PLEKHM3: variants seen among roughly 807,000 people sequenced by gnomAD.
PLEKHM3 encodes pleckstrin homology domain containing M3.
PLEKHM3 carries 45 observed loss-of-function variants against 81.8 expected under a neutral mutation model. That is an observed-to-expected ratio of 0.55 (90% CI 0.43 to 0.71). The LOEUF (loss-of-function observed/expected upper bound fraction) is 0.71, where lower values mean the gene tolerates loss of function less well. Ranked by LOEUF, PLEKHM3 falls within the 30% of genes least tolerant of loss-of-function variation. The pLI, the probability that PLEKHM3 is intolerant of heterozygous loss-of-function variation, is 0.00. For missense variants in PLEKHM3, 788 were observed against 924.3 expected, an observed-to-expected ratio of 0.85 and a Z score of 1.91; for synonymous variants, 352 against 356.4, an observed-to-expected ratio of 0.99 and a Z score of 0.14.
intron 1 of PLEKHM3, among the ~76,000 whole-genome samples, chr2:208,024,229 T>G (rs1693234594): frequency 6.6e-6 from 1 of 151,630 alleles, no homozygotes; most frequent in Non-Finnish European, 1.5e-5. Flanking sequence ...ATTATTCCCA[T>G]TCTACAGATT....
chr2:207,939,851 G>A (rs552241753), intron 4 of PLEKHM3, among the ~76,000 whole-genome samples: 2 of 152,310 alleles, frequency 1.3e-5, no homozygotes, highest in African/African-American at 4.8e-5. Flanking sequence ...TGGGACTGGA[G>A]TACAGTGGAG....
At chr2:207,967,147 G>A (rs1253311724) in intron 3 of PLEKHM3, among the ~76,000 whole-genome samples, 1 of 152,118 alleles carries the variant, frequency 6.6e-6, no homozygotes, top group Admixed American at 6.6e-5. Flanking sequence ...CCACCAGGCT[G>A]GGCTATTTTT....
In PLEKHM3 at chr2:207,828,579, C is replaced by T; in HGVS notation, c.2109-83G>A. 2.2e-6 allele frequency: 3 copies of T among 1,389,718 alleles called. No homozygotes were observed. In the East Asian group the frequency reaches 7.0e-5, roughly 32 times the overall value. 86.1% of individuals were successfully genotyped at this position (1,389,718 alleles called of 1,614,324 possible). Reference sequence around the variant, plus strand: ...GGAAGCCCTGTGGCCTCAGGTGCAGCTGGTGGCACAATCTACTGTTCTGGA... The same window carrying T: ...GGAAGCCCTGTGGCCTCAGGTGCAGTTGGTGGCACAATCTACTGTTCTGGA... On this transcript the variant is annotated intron_variant, in intron 7 of 7. Coordinates refer to ENST00000427836, the MANE Select transcript of PLEKHM3 (RefSeq NM_001080475.3).
intron 3 of PLEKHM3, among the ~76,000 whole-genome samples, chr2:207,950,103 A>G (rs1392758004): frequency 1.3e-5 from 2 of 152,204 alleles, no homozygotes; most frequent in African/African-American, 4.8e-5. Context: ...GAGAACATGG[A>G]TAGGGTCCAT....
At chr2:207,836,855 T>G (rs1479079891) in intron 7 of PLEKHM3, among the ~76,000 whole-genome samples, 1 of 152,220 alleles carries the variant, frequency 6.6e-6, no homozygotes, top group Admixed American at 6.5e-5. Flanking sequence ...TTCAGTTTGG[T>G]TGCATCTCTG....
chr2:208,016,134 C>T (rs1692904345), intron 1 of PLEKHM3, among the ~76,000 whole-genome samples: 1 of 152,200 alleles, frequency 6.6e-6, no homozygotes, highest in East Asian at 1.9e-4. Flanking sequence ...GCAGAGGTTG[C>T]AGTGAGCCGA....
intron 4 of PLEKHM3, among the ~76,000 whole-genome samples, chr2:207,946,106 C>G (rs950047766): frequency 1.3e-5 from 2 of 152,106 alleles, no homozygotes; most frequent in Non-Finnish European, 2.9e-5. Flanking sequence ...AAAGAGGCTC[C>G]TCTCTCTCAG....
At chr2:208,006,743 A>G (rs1478023483) in intron 1 of PLEKHM3, among the ~76,000 whole-genome samples, 3 of 152,222 alleles carry the variant, frequency 2.0e-5, no homozygotes, top group African/African-American at 7.2e-5. Flanking sequence ...ACTGCTTTTC[A>G]GCCAAACTCA....
At chr2:207,935,803 G>T (rs762557565) in intron 4 of PLEKHM3, among the ~76,000 whole-genome samples, 8 of 152,076 alleles carry the variant, frequency 5.3e-5, no homozygotes, top group Admixed American at 2.6e-4. Context: ...CTTCATAAAA[G>T]AGTTTTCCTG....
intron 6 of PLEKHM3, among the ~76,000 whole-genome samples, chr2:207,885,189 T>C (rs965041104): frequency 2.0e-5 from 3 of 152,212 alleles, no homozygotes; most frequent in Admixed American, 6.5e-5. Context: ...TAGTTTCTAC[T>C]CTCTTCCTTA....
chr2:208,008,334 G>A (rs1017553433), intron 1 of PLEKHM3, among the ~76,000 whole-genome samples: 2 of 151,284 alleles, frequency 1.3e-5, no homozygotes, highest in African/African-American at 2.4e-5. Flanking sequence ...TGACAGATAT[G>A]GAAAAGAAAA....
At chr2:207,852,552 TG>T (rs1310792200) in intron 7 of PLEKHM3, among the ~76,000 whole-genome samples, 1 of 152,144 alleles carries the variant, frequency 6.6e-6, no homozygotes, top group Non-Finnish European at 1.5e-5. Context: ...CTGAAGGAGT[TG>T]ATGAATGTTT....
At chr2:207,907,734 T>C (rs775388107) in intron 6 of PLEKHM3, among the ~76,000 whole-genome samples, 15 of 152,208 alleles carry the variant, frequency 9.9e-5, no homozygotes, top group Admixed American at 5.2e-4. Context: ...AACAATTTAG[T>C]GGTTTTCAGA....
chr2:207,919,817 T>C lies in PLEKHM3; in HGVS notation c.1886+11109A>G, dbSNP rs562395367. 3.9e-4 allele frequency among the ~76,000 whole-genome samples: 59 copies of C among 152,290 alleles called. 1 individual carries two copies. In the South Asian group the frequency reaches 0.012, roughly 32 times the overall value. ...TGAACTCACTAGAAAGATAGTTATT[T>C]TCTGGCATAACAAGGGAAGGAGGGG... On this transcript the variant is annotated intron_variant, in intron 5 of 7. Coordinates refer to ENST00000427836, the MANE Select transcript of PLEKHM3 (RefSeq NM_001080475.3).
At chr2:207,841,470 AAAAAAAAAAAATATATATATAT>A (rs1363574385) in intron 7 of PLEKHM3, among the ~76,000 whole-genome samples, 3,646 of 51,758 alleles carry the variant, frequency 0.07, 285 homozygotes, top group African/African-American at 0.22. Context: ...AAAAAAAAAA[AAAAAAAAAAAATATATATATAT>A]ATATATATAT....
intron 3 of PLEKHM3, among the ~76,000 whole-genome samples, chr2:207,949,916 C>T (rs1460968900): frequency 6.6e-6 from 1 of 152,134 alleles, no homozygotes; most frequent in Admixed American, 6.5e-5. Context: ...CACACATAGG[C>T]AATATTAACA....
At position 207,977,017 on chromosome 2, in the gene PLEKHM3, G is replaced by C. The variant is rs763181991; in HGVS notation, c.1180C>G (p.Pro394Ala). The change falls in exon 3 of 8, where the codon CCT becomes GCT. Residue 394 changes from proline to alanine, a missense_variant. Coordinates refer to ENST00000427836, the MANE Select transcript of PLEKHM3 (RefSeq NM_001080475.3). ...AGTGGATCCTCGTCTAGCTTGCCAG[G>C]CTGAAAAGCCATAAGGTAAGCCCTG... Reference protein sequence around the residue: ...LSRAYLMAFQPGKLDEDPLLS... With the variant: ...LSRAYLMAFQAGKLDEDPLLS... The C allele has an allele frequency of 2.5e-6, 4 of 1,614,098 alleles. No homozygotes were observed. Among genetic ancestry groups the C allele is most frequent in the Non-Finnish European group, 2.5e-6 (3 of 1,180,046 alleles).
At chr2:208,005,679 A>G (rs1297281037) in intron 1 of PLEKHM3, among the ~76,000 whole-genome samples, 1 of 152,128 alleles carries the variant, frequency 6.6e-6, no homozygotes, top group Non-Finnish European at 1.5e-5. Context: ...CTTCTAACAT[A>G]CCATTTAATT....
Position 207,930,145 on chromosome 2 carries a change from A to G in PLEKHM3, c.1886+781T>C, listed in dbSNP as rs980063954. On this transcript the variant is annotated intron_variant, in intron 5 of 7. Coordinates refer to ENST00000427836, the MANE Select transcript of PLEKHM3 (RefSeq NM_001080475.3). Reference sequence around the variant, plus strand: ...GAGCCTGCTTTGGACTTGGTGTTCTATGAACTATGAGCTAACTAAGTTACG... The same window carrying G: ...GAGCCTGCTTTGGACTTGGTGTTCTGTGAACTATGAGCTAACTAAGTTACG... Among the ~76,000 whole-genome samples the G allele has an allele frequency of 3.7e-4, 57 of 152,228 alleles. 1 individual carries two copies. Among genetic ancestry groups the G allele is most frequent in the Non-Finnish European group, 1.5e-5 (1 of 68,036 alleles).
Sources: allele counts gnomAD v4.1 joint callset (sites outside exome capture counted in the v4.1 genomes callset), GRCh38; gene constraint gnomAD v4.1.1; transcripts MANE v1.5; gene names NCBI Gene and HGNC (gene_info 2026-07-23, HGNC 2026-07-21).